Variants in UBR3 observed in about 807,000 individuals in gnomAD.
UBR3 encodes the protein E3 ubiquitin-protein ligase UBR3.
UBR3 carries 85 observed loss-of-function variants against 243.2 expected under a neutral mutation model. That is an observed-to-expected ratio of 0.35 (90% CI 0.29 to 0.42). The LOEUF is 0.42. Ranked by LOEUF, UBR3 falls within the 10% of genes least tolerant of loss-of-function variation. The pLI is 1.00. For missense variants in UBR3, 1,686 were observed against 2,300.8 expected (o/e 0.73, Z 5.47); for synonymous variants, 748 against 799.8 (o/e 0.94, Z 1.09).
At chr2:170,017,518 TACGGAC>T (rs1469497114) in intron 30 of UBR3, among the ~76,000 whole-genome samples, 3 of 126,484 alleles carry the variant, frequency 2.4e-5, no homozygotes, top group South Asian at 2.6e-4. Context: ...GGTATATAAT[TACGGAC>T]ACACACACAC....
chr2:170,080,661 T>C lies in UBR3; in HGVS notation c.5526T>C (p.His1842=), dbSNP rs2091890747. ...CLWGSVYLDA[H]GEEDRDLRRG... ...GGGGTTCCGTGTATTTGGATGCTCA[T>C]GGAGAGGAAGACCGGGATCTTAGGT... The change falls in exon 38 of 39, where the codon CAT becomes CAC. Residue 1842 remains histidine, a synonymous_variant. Transcript: ENST00000272793. 1 of 1,613,906 alleles carries C rather than the reference T, an allele frequency of 6.2e-7. No homozygotes were observed. The highest frequency in any genetic ancestry group is 2.2e-5 in the East Asian group (1 of 44,882).
chr2:169,856,569 G>T (rs947910599), intron 1 of UBR3, among the ~76,000 whole-genome samples: 2 of 152,220 alleles, frequency 1.3e-5, no homozygotes, highest in African/African-American at 4.8e-5. Flanking sequence ...GCGAGACTCC[G>T]TCTGCAATCC....
intron 24 of UBR3, among the ~76,000 whole-genome samples, chr2:169,976,956 C>T (rs988005435): frequency 4.6e-5 from 7 of 152,004 alleles, no homozygotes; most frequent in African/African-American, 1.7e-4. Context: ...CTTATCTTCA[C>T]GTTCAGAGAT....
chr2:169,860,761 A>G (rs1473408243), intron 1 of UBR3, among the ~76,000 whole-genome samples: 3 of 152,340 alleles, frequency 2.0e-5, no homozygotes, highest in East Asian at 1.9e-4. Flanking sequence ...ATATGGATAT[A>G]TGAGATGGAG....
At chr2:170,053,691 A>C (rs2091273117) in intron 32 of UBR3, among the ~76,000 whole-genome samples, 1 of 152,210 alleles carries the variant, frequency 6.6e-6, no homozygotes, top group Admixed American at 6.5e-5. Flanking sequence ...AGGGTGTTGA[A>C]ACTGACGAGA....
At chr2:169,970,481 C>G (rs12997872) in intron 24 of UBR3, among the ~76,000 whole-genome samples, 4 of 74,352 alleles carry the variant, frequency 5.4e-5, no homozygotes, top group African/African-American at 9.7e-5. Flanking sequence ...CCCCTCCCCC[C>G]ACCCCACAAC....
At chr2:169,850,776 G>A (rs983908887) in intron 1 of UBR3, among the ~76,000 whole-genome samples, 1 of 151,822 alleles carries the variant, frequency 6.6e-6, no homozygotes, top group Non-Finnish European at 1.5e-5. Context: ...CCCGGGAGGC[G>A]GAGCTTGCAG....
At chr2:170,080,254 C>T in intron 37 of UBR3, 1 of 579,872 alleles carries the variant, frequency 1.7e-6, no homozygotes. Context: ...TCTACTATCC[C>T]TTTAATGGTA....
chr2:169,857,556 A>G (rs2082930276), intron 1 of UBR3, among the ~76,000 whole-genome samples: 1 of 150,262 alleles, frequency 6.7e-6, no homozygotes, highest in South Asian at 2.1e-4. Flanking sequence ...AGCTGGGATT[A>G]CAAGTGCCTG....
At chr2:169,873,367 A>G (rs2083492154) in intron 2 of UBR3, among the ~76,000 whole-genome samples, 1 of 152,190 alleles carries the variant, frequency 6.6e-6, no homozygotes, top group African/African-American at 2.4e-5. Flanking sequence ...AACAGAGTAT[A>G]TATCTTAAAA....
At chr2:170,059,307 T>C (rs1487859224) in intron 33 of UBR3, among the ~76,000 whole-genome samples, 1 of 152,210 alleles carries the variant, frequency 6.6e-6, no homozygotes, top group Admixed American at 6.5e-5. Flanking sequence ...AGTGACTTAC[T>C]TAGCTGATCT....
At chr2:169,890,569 A>ATCTATATATGTATATATATGTG in intron 5 of UBR3, among the ~76,000 whole-genome samples, 1 of 101,546 alleles carries the variant, frequency 9.8e-6, no homozygotes, top group East Asian at 2.2e-4. Context: ...ATATATGTGT[A>ATCTATATATGTATATATATGTG]TATATATATA....
intron 1 of UBR3, among the ~76,000 whole-genome samples, chr2:169,870,075 A>G (rs1379401489): frequency 6.6e-6 from 1 of 152,160 alleles, no homozygotes; most frequent in African/African-American, 2.4e-5. Context: ...ATAGTTAATT[A>G]TCTTCCAGGC....
chr2:169,847,085 G>C (rs991640439), intron 1 of UBR3, among the ~76,000 whole-genome samples: 1 of 17,766 alleles, frequency 5.6e-5, no homozygotes, highest in Non-Finnish European at 2.2e-4. Flanking sequence ...TAAACTGTGT[G>C]TGTGTGTGTG....
chr2:169,976,119 T>A (rs201369554), intron 24 of UBR3, among the ~76,000 whole-genome samples: 11 of 147,878 alleles, frequency 7.4e-5, no homozygotes, highest in South Asian at 4.3e-4. Flanking sequence ...TTTTTTTTTT[T>A]AAATCCATAC....
intron 30 of UBR3, among the ~76,000 whole-genome samples, chr2:170,025,255 T>G (rs1018604852): frequency 6.6e-6 from 1 of 152,154 alleles, no homozygotes. Flanking sequence ...GAAAAATAAT[T>G]ACAAGACTGT....
chr2:169,857,097 G>A (rs1301061594), intron 1 of UBR3, among the ~76,000 whole-genome samples: 11 of 27,424 alleles, frequency 4.0e-4, no homozygotes, highest in Non-Finnish European at 6.4e-4. Context: ...TTTTTGAGAC[G>A]GAGTCTTGTT....
In UBR3 at chr2:169,987,555, A is replaced by G. The variant is rs138980966; in HGVS notation, c.3784+761A>G. 2.5e-3 allele frequency among the ~76,000 whole-genome samples: 380 copies of G among 151,514 alleles called. 1 individual carries two copies. Among genetic ancestry groups the G allele is most frequent in the African/African-American group, 8.7e-3 (360 of 41,500 alleles). ...TGTGAATTGGTATGTTTAGCAGTCT[A>G]TAGTTTTAAACTATATAATTTTATT... On this transcript the variant is annotated intron_variant, in intron 25 of 38. Coordinates refer to ENST00000272793, the MANE Select transcript of UBR3 (RefSeq NM_172070.4).
chr2:169,860,583 G>GT lies in UBR3; in HGVS notation c.546-11644dup, dbSNP rs374165568. On this transcript the variant is annotated intron_variant, in intron 1 of 38. Coordinates refer to ENST00000272793, the MANE Select transcript of UBR3 (RefSeq NM_172070.4). ...GTTTTTCCTCAGTGTGAGTTTTTCT[G>GT]TTTTTTTTTCCTCAGTATAGTTTTA... is the stretch of plus-strand genomic sequence containing the variant. 2.2e-3 allele frequency among the ~76,000 whole-genome samples: 330 copies of GT among 150,744 alleles called. 3 individuals carry two copies. Among genetic ancestry groups the GT allele is most frequent in the African/African-American group, 7.1e-3 (294 of 41,126 alleles).
Sources: allele counts gnomAD v4.1 joint callset (sites outside exome capture counted in the v4.1 genomes callset), GRCh38; gene constraint gnomAD v4.1.1; transcripts MANE v1.5; gene names NCBI Gene and HGNC (gene_info 2026-07-23, HGNC 2026-07-21).